Variants in GAREM1 observed in about 807,000 individuals in gnomAD.
GAREM1 encodes the protein GRB2 associated regulator of MAPK1 subtype 1.
A neutral mutation model predicts 71.3 loss-of-function variants in GAREM1; 26 were observed. The ratio of observed to expected loss-of-function variants is 0.36; its 90% CI spans 0.27 to 0.51. The LOEUF (loss-of-function observed/expected upper bound fraction) is 0.51, where lower values mean the gene tolerates loss of function less well. Ranked by LOEUF, GAREM1 falls within the 20% of genes least tolerant of loss-of-function variation. The probability of loss-of-function intolerance (pLI) is 0.95; values close to 1 mark genes in which losing one functional copy is unlikely to be tolerated. For synonymous variants in GAREM1, 440 were observed against 433.2 expected (o/e 1.02, Z -0.20); for missense variants, 1,026 against 1,103.1 (o/e 0.93, Z 0.99).
intron 2 of GAREM1, among the ~76,000 whole-genome samples, chr18:32,363,397 T>C (rs1477098341): frequency 6.6e-6 from 1 of 152,214 alleles, no homozygotes; most frequent in Non-Finnish European, 1.5e-5. Context: ...AAATATGCTG[T>C]CATAATTGTA....
chr18:32,269,740 A>C, intron 5 of GAREM1, among the ~76,000 whole-genome samples: 1 of 152,234 alleles, frequency 6.6e-6, no homozygotes, highest in East Asian at 1.9e-4. Flanking sequence ...GAGCACTGGA[A>C]GTATCCAGAC....
intron 2 of GAREM1, among the ~76,000 whole-genome samples, chr18:32,346,730 G>T (rs940239717): frequency 1.8e-4 from 27 of 152,180 alleles, no homozygotes; most frequent in African/African-American, 6.3e-4. Context: ...AGAATCACTG[G>T]ATTTTGGAGA....
intron 2 of GAREM1, among the ~76,000 whole-genome samples, chr18:32,359,033 C>G (rs530922909): frequency 6.6e-6 from 1 of 152,314 alleles, no homozygotes; most frequent in African/African-American, 2.4e-5. Context: ...CTCAGCTGTG[C>G]AGTTTACAAC....
chr18:32,363,565 T>C (rs1010836224), intron 2 of GAREM1, among the ~76,000 whole-genome samples: 1 of 152,120 alleles, frequency 6.6e-6, no homozygotes, highest in African/African-American at 2.4e-5. Flanking sequence ...AAGGCTTAGG[T>C]CTCTGTCTTC....
In GAREM1 at chr18:32,287,351, A is replaced by G. The variant is rs765108974; in HGVS notation, c.1246T>C (p.Phe416Leu). 6.2e-7 allele frequency: 1 copy of G among 1,614,176 alleles called. No individual in the cohort carries two copies. The highest frequency in any genetic ancestry group is 8.5e-7 in the Non-Finnish European group (1 of 1,180,028). Residue 416 changes from phenylalanine (F) to leucine (L), a missense_variant, in exon 4 of 6, where the codon TTT becomes CTT. Physicochemically the swap from Phe to Leu is conservative, Grantham distance 22 (BLOSUM62 0). Transcript: ENST00000269209. The surrounding 1 kb of genome is among the most constrained non-coding windows in gnomAD (Gnocchi z 5.9). ...TGATAGGGCAGGATGTCATGAGGAA[A>G]GGGAGCCCAATCTCCCCCCAGGTCC... is the stretch of plus-strand genomic sequence containing the variant. ...CRDLGGDWAP[F>L]PHDILPYQDS...
chr18:32,370,188 T>G (rs1278929498), intron 2 of GAREM1, among the ~76,000 whole-genome samples: 1 of 151,996 alleles, frequency 6.6e-6, no homozygotes, highest in Admixed American at 6.6e-5. Context: ...ATCCCAGCAC[T>G]TTGGGGGGCC....
intron 2 of GAREM1, among the ~76,000 whole-genome samples, chr18:32,380,247 AG>A (rs2048082024): frequency 6.6e-6 from 1 of 152,110 alleles, no homozygotes. Flanking sequence ...AGGCCGAAGC[AG>A]GGGGATCACC....
intron 3 of GAREM1, among the ~76,000 whole-genome samples, chr18:32,291,499 A>C (rs2047086218): frequency 6.6e-6 from 1 of 151,380 alleles, no homozygotes; most frequent in South Asian, 2.1e-4. Flanking sequence ...GGTCAACAAG[A>C]ATTTTTTTTT....
At chr18:32,348,503 C>G (rs542176537) in intron 2 of GAREM1, among the ~76,000 whole-genome samples, 68 of 152,232 alleles carry the variant, frequency 4.5e-4, no homozygotes, top group Non-Finnish European at 4.1e-4. Flanking sequence ...GTGGGCAGAT[C>G]ACTTGAGGCC....
At chr18:32,459,525 T>G (rs1429558348) in intron 1 of GAREM1, among the ~76,000 whole-genome samples, 1 of 152,170 alleles carries the variant, frequency 6.6e-6, no homozygotes, top group East Asian at 1.9e-4. Context: ...TTACTTGTTA[T>G]TTATTTTTAA....
At chr18:32,296,463 T>C (rs1237380890) in intron 3 of GAREM1, among the ~76,000 whole-genome samples, 1 of 152,134 alleles carries the variant, frequency 6.6e-6, no homozygotes, top group African/African-American at 2.4e-5. Context: ...TTCCCATGAG[T>C]GTCATTTTGA....
At chr18:32,301,370 A>G (rs1161525322) in intron 3 of GAREM1, among the ~76,000 whole-genome samples, 1 of 152,216 alleles carries the variant, frequency 6.6e-6, no homozygotes, top group Non-Finnish European at 1.5e-5. Flanking sequence ...TAATACTGAT[A>G]GACTGAAAAT....
At chr18:32,469,735 A>T (rs1011547989) in intron 1 of GAREM1, among the ~76,000 whole-genome samples, 2 of 152,124 alleles carry the variant, frequency 1.3e-5, no homozygotes, top group African/African-American at 4.8e-5. Flanking sequence ...GCATGCCATC[A>T]CTTCTGCTGA....
intron 1 of GAREM1, among the ~76,000 whole-genome samples, chr18:32,398,224 A>C (rs1045186432): frequency 2.6e-5 from 4 of 152,204 alleles, no homozygotes; most frequent in African/African-American, 9.6e-5. Context: ...AAAGATCCAA[A>C]ATTAACACCC....
chr18:32,449,864 G>C (rs1278868056), intron 1 of GAREM1, among the ~76,000 whole-genome samples: 1 of 152,122 alleles, frequency 6.6e-6, no homozygotes, highest in Non-Finnish European at 1.5e-5. Flanking sequence ...GAAGGGAGGA[G>C]AGTCTATTTT....
intron 1 of GAREM1, among the ~76,000 whole-genome samples, chr18:32,405,693 A>G (rs2048358187): frequency 6.6e-6 from 1 of 152,054 alleles, no homozygotes; most frequent in South Asian, 2.1e-4. Context: ...TCCTGGCCTT[A>G]CCCATGAAAG....
rs2144465142 is a variant in GAREM1 at position 32,287,239 on chromosome 18, T to C, written c.1358A>G (p.Tyr453Cys). 1 of 1,614,222 alleles carries C rather than the reference T, an allele frequency of 6.2e-7. No homozygotes were observed. Among genetic ancestry groups the C allele is most frequent in the South Asian group, 1.1e-5 (1 of 91,084 alleles). The change falls in exon 4 of 6, where the codon TAC (tyrosine) becomes TGC (cysteine). Residue 453 changes from tyrosine to cysteine, a missense_variant. By Grantham distance (194) the Tyr-to-Cys change is radical. Transcript: ENST00000269209. The surrounding 1 kb of genome is among the most constrained non-coding windows in gnomAD (Gnocchi z 5.9). ...AGIPGKSELPYEELWLEEGKP... is the reference protein window; with the variant it reads ...AGIPGKSELPCEELWLEEGKP... ...GCCTTCCTCCAGCCACAGCTCTTCGTAGGGAAGTTCTGACTTTCCCGGGAT... is the reference window on the plus strand; with the variant it reads ...GCCTTCCTCCAGCCACAGCTCTTCGCAGGGAAGTTCTGACTTTCCCGGGAT...
intron 1 of GAREM1, among the ~76,000 whole-genome samples, chr18:32,447,619 C>G (rs1449126889): frequency 1.3e-5 from 2 of 152,064 alleles, no homozygotes; most frequent in African/African-American, 4.8e-5. Context: ...TGAATAGTTA[C>G]CTCTCAGGAT....
At chr18:32,420,546 T>C (rs2048509759) in intron 1 of GAREM1, among the ~76,000 whole-genome samples, 1 of 152,034 alleles carries the variant, frequency 6.6e-6, no homozygotes, top group Non-Finnish European at 1.5e-5. Flanking sequence ...CACTCATCCA[T>C]CCCAATGACC....
Sources: gnomAD v4.1 joint callset for allele counts (sites outside exome capture counted in the v4.1 genomes callset) on GRCh38, gnomAD v4.1.1 for gene constraint, Gnocchi (gnomAD v3.1) non-coding constraint, MANE v1.5 for transcripts, NCBI Gene and HGNC (gene_info 2026-07-23, HGNC 2026-07-21) for gene names.